Variants in DDX41 observed in about 807,000 individuals in gnomAD.
DDX41 encodes the protein DEAD-box helicase 41, also known as probable ATP-dependent RNA helicase DDX41.
Under a neutral mutation model 78.8 loss-of-function variants are expected in DDX41, and 50 were observed. That is an observed-to-expected ratio of 0.63 (90% CI 0.51 to 0.80). The LOEUF is 0.80. Among genes scored for constraint, DDX41 ranks in the 30% least tolerant of loss-of-function variants. The pLI is 0.00. For synonymous variants in DDX41, 381 were observed against 321.5 expected (o/e 1.19, Z -1.98); for missense variants, 633 against 849.2 (o/e 0.75, Z 3.16).
chr5:177,515,893 C>T lies in DDX41; in HGVS notation c.434+36G>A, dbSNP rs752708466. On this transcript the variant is annotated intron_variant, in intron 5 of 16. Coordinates refer to ENST00000330503, the MANE Select transcript of DDX41 (RefSeq NM_016222.4). ...CTGGGAGCATCCCTGCATGTACCAT[C>T]CTAAGCAAGGGCAACTGCAGACTGT... 1.1e-5 allele frequency: 17 copies of T among 1,614,052 alleles called. No homozygotes were observed. In the East Asian group the frequency reaches 3.1e-4, roughly 30 times the overall value.
rs763712095 is a variant in DDX41 at position 177,516,906 on chromosome 5, G to A, written c.27+13C>T. 6 of 1,613,170 alleles carry A rather than the reference G, an allele frequency of 3.7e-6. No homozygotes were observed. The highest frequency in any genetic ancestry group is 1.6e-4 in the Middle Eastern group (1 of 6,082). On this transcript the variant is annotated intron_variant, in intron 1 of 16. Coordinates refer to ENST00000330503, the MANE Select transcript of DDX41 (RefSeq NM_016222.4). ...CCCGCTCCCACACGCGCGGGGTCTC[G>A]CCTCTCTCCTACCTTCCGTTCGGGT...
chr5:177,514,794 C>T lies in DDX41; in HGVS notation c.842G>A (p.Cys281Tyr), dbSNP rs753251952. The T allele has an allele frequency of 6.2e-7, 1 of 1,612,938 alleles. No individual in the cohort carries two copies. The highest frequency in any genetic ancestry group is 1.1e-5 in the South Asian group (1 of 91,084). ...RQTHGILEYY[C>Y]RLLQEDSSPL... ...TGAGCTGTCCTCCTGCAGCAGGCGG[C>T]AGTAGTACTCCAGGATGCCATGGGT... Residue 281 changes from cysteine to tyrosine, a missense_variant, in exon 9 of 17, where the codon TGC (cysteine) becomes TAC (tyrosine). This residue lies in a region of DDX41 where 151 missense variants were observed against 169.2 expected (regional missense o/e 0.89). Coordinates refer to ENST00000330503, the MANE Select transcript of DDX41 (RefSeq NM_016222.4). The surrounding 1 kb of genome is among the most constrained non-coding windows in gnomAD (Gnocchi z 4.2).
In DDX41 at chr5:177,513,274, G is replaced by A. The variant is rs577226881; in HGVS notation, c.1230+79C>T. 4.3e-5 allele frequency: 69 copies of A among 1,596,828 alleles called. No individual in the cohort carries two copies. The highest frequency in any genetic ancestry group is 2.7e-4 in the South Asian group (24 of 89,650). ...CCCGGTTCCCACAAGGTGGACCCCC[G>A]GCTCCAATCAGCTTCAGGGAGACTT... On this transcript the variant is annotated intron_variant, in intron 11 of 16. Coordinates refer to ENST00000330503, the MANE Select transcript of DDX41 (RefSeq NM_016222.4). This position sits in a 1 kb window ranked among gnomAD's most constrained non-coding sequence, Gnocchi z 4.6.
rs751293126 is a variant in DDX41, at chr5:177,514,978, G to C, written c.736C>G (p.Gln246Glu). 5.0e-6 allele frequency: 8 copies of C among 1,613,626 alleles called. No homozygotes were observed. The highest frequency in any genetic ancestry group is 1.1e-5 in the South Asian group (1 of 91,088). Residue 246 changes from glutamine to glutamate, a missense_variant, in exon 8 of 17, where the codon CAA (glutamine) becomes GAA (glutamate). Physicochemically the swap from Gln to Glu is conservative, Grantham distance 29. Coordinates refer to ENST00000330503, the MANE Select transcript of DDX41 (RefSeq NM_016222.4). This position sits in a 1 kb window ranked among gnomAD's most constrained non-coding sequence, Gnocchi z 4.2. Reference protein sequence around the residue: ...TLPVIMFCLEQEKRLPFSKRE... With the variant: ...TLPVIMFCLEEEKRLPFSKRE... ...TTTGAGAAGGGTAACCTCTTCTCTT[G>C]TTCCAGGCAGAACATGATGACGGGC...
chr5:177,515,372 G>T (rs544838908), intron 6 of DDX41, 114 bp from the exon 7 acceptor site: 33 of 329,822 alleles, frequency 1.0e-4, no homozygotes, highest in Non-Finnish European at 1.6e-4. Context: ...CTGAGGCTCA[G>T]AGAGAGAGAG....
rs1359848055 is a variant in DDX41 at position 177,514,083 on chromosome 5, C to T, written c.936-236G>A. ...GCCTTCCCCCTTCTCCTGGGTCAGC[C>T]TCTCACCCAGAAGCGCTGTCATCAA... is the stretch of plus-strand genomic sequence containing the variant. On this transcript the variant is annotated intron_variant, in intron 9 of 16. Transcript: ENST00000330503. This position sits in a 1 kb window ranked among gnomAD's most constrained non-coding sequence, Gnocchi z 4.2. 1 of 673,100 alleles carries T rather than the reference C, an allele frequency of 1.5e-6. No individual in the cohort carries two copies. The highest frequency in any genetic ancestry group is 1.8e-5 in the African/African-American group (1 of 56,750). The allele number at this position is 673,100 out of a possible 1,614,324, so 41.7% of individuals were successfully genotyped here.
At position 177,515,008 on chromosome 5, in the gene DDX41, T is replaced by A; in HGVS notation, c.706A>T (p.Thr236Ser). 1 of 1,613,840 alleles carries A rather than the reference T, an allele frequency of 6.2e-7. No homozygotes were observed. The change falls in exon 8 of 17, where the codon ACG becomes TCG. Residue 236 changes from threonine to serine, a missense_variant. Physicochemically the swap from Thr to Ser is moderately conservative, Grantham distance 58. Transcript: ENST00000330503. ...FTGSGKTLVF[T>S]LPVIMFCLEQ... ...AGGCAGAACATGATGACGGGCAACGTGAACACCAGTGTCTTGCCTGAACCC... is the reference window on the plus strand; with the variant it reads ...AGGCAGAACATGATGACGGGCAACGAGAACACCAGTGTCTTGCCTGAACCC...
Position 177,511,934 on chromosome 5 carries a change from G to A in DDX41, c.1733-7C>T. The A allele has an allele frequency of 6.2e-7, 1 of 1,613,586 alleles. No individual in the cohort carries two copies. The highest frequency in any genetic ancestry group is 8.5e-7 in the Non-Finnish European group (1 of 1,179,984). On this transcript the variant is annotated splice_polypyrimidine_tract_variant and splice_region_variant and intron_variant, in intron 16 of 16. Coordinates refer to ENST00000330503, the MANE Select transcript of DDX41 (RefSeq NM_016222.4). ...AAGGCACAGCCGCGCTCTCCTGGGG[G>A]AATGGGGACAGGGGTCAGCCAAGTC...
rs766644554 is a variant in DDX41 at position 177,516,069 on chromosome 5, GGGA to G, written c.373+47_373+49del. 146 of 1,613,794 alleles carry G rather than the reference GGGA, an allele frequency of 9.0e-5. No homozygotes were observed. In the African/African-American group the frequency reaches 1.7e-3, roughly 18 times the overall value. On this transcript the variant is annotated intron_variant, in intron 4 of 16. Coordinates refer to ENST00000330503, the MANE Select transcript of DDX41 (RefSeq NM_016222.4). The stretch of plus-strand genomic sequence containing the variant: ...CTTGAGATATAACATGCCTGGGGCT[GGGA>G]GGAGAAGACTCAGTCCACCTTCTCA...
Position 177,513,580 on chromosome 5 carries a change from G to A in DDX41, c.1099-96C>T. ...GAGCAACTGAGACACAGCCCACAAA[G>A]TATGAGCAGTGGGTTGGGGTGGCCA... On this transcript the variant is annotated intron_variant, in intron 10 of 16. Transcript: ENST00000330503. The surrounding 1 kb of genome is among the most constrained non-coding windows in gnomAD (Gnocchi z 4.6). 1.9e-6 allele frequency: 3 copies of A among 1,604,136 alleles called. No individual in the cohort carries two copies. The highest frequency in any genetic ancestry group is 2.6e-6 in the Non-Finnish European group (3 of 1,172,548).
In DDX41 at chr5:177,514,716, A is replaced by C. The variant is rs996454252; in HGVS notation, c.920T>G (p.Met307Arg). ...CIGGMSVKEQ[M>R]ETIRHGVHMM... ...CAGCACTCACTGTCGGATGGTCTCC[A>C]TCTGCTCTTTCACGGACATGCCCCC... Residue 307 changes from methionine (M) to arginine (R), a missense_variant, in exon 9 of 17, where the codon ATG (methionine) becomes AGG (arginine). Around this residue, in one of 6 missense-constraint regions of DDX41, gnomAD observed 151 missense variants for 169.2 expected, o/e 0.89. Coordinates refer to ENST00000330503, the MANE Select transcript of DDX41 (RefSeq NM_016222.4). This position sits in a 1 kb window ranked among gnomAD's most constrained non-coding sequence, Gnocchi z 4.2. 1.9e-6 allele frequency: 3 copies of C among 1,611,956 alleles called. No homozygotes were observed. The Admixed American group carries it at 5.0e-5, about 27-fold the overall frequency.
In DDX41 at chr5:177,516,914, C is replaced by T. The variant is rs1486872267; in HGVS notation, c.27+5G>A. 1.2e-6 allele frequency: 2 copies of T among 1,610,468 alleles called. No individual in the cohort carries two copies. Among genetic ancestry groups the T allele is most frequent in the East Asian group, 2.2e-5 (1 of 44,874 alleles). On this transcript the variant is annotated splice_donor_5th_base_variant and intron_variant, in intron 1 of 16. Transcript: ENST00000330503. ...CACACGCGCGGGGTCTCGCCTCTCT[C>T]CTACCTTCCGTTCGGGTTCCGACTC...
At chr5:177,516,595 G>C in intron 2 of DDX41, 130 bp downstream of exon 2, 1 of 1,371,326 alleles carries the variant, frequency 7.3e-7, no homozygotes, top group Non-Finnish European at 1.0e-6. Context: ...TCGTTTGTCT[G>C]GGGGCCGCGC....
rs2127436904 is a variant in DDX41, at chr5:177,514,551, A to G, written c.935+150T>C. ...CACATCCCTCTGTCCTCCCCCAACT[A>G]ACCTCCCCATTAGACTGGGAGCTCC... On this transcript the variant is annotated intron_variant, in intron 9 of 16. Coordinates refer to ENST00000330503, the MANE Select transcript of DDX41 (RefSeq NM_016222.4). This position sits in a 1 kb window ranked among gnomAD's most constrained non-coding sequence, Gnocchi z 4.2. 1.7e-6 allele frequency: 2 copies of G among 1,151,510 alleles called. No individual in the cohort carries two copies. The highest frequency in any genetic ancestry group is 1.2e-6 in the Non-Finnish European group (1 of 816,686). 71.3% of individuals were successfully genotyped at this position (1,151,510 alleles called of 1,614,324 possible).
In DDX41 at chr5:177,516,420, T is replaced by C; in HGVS notation, c.166A>G (p.Lys56Glu). 3 of 1,613,798 alleles carry C rather than the reference T, an allele frequency of 1.9e-6. No homozygotes were observed. Among genetic ancestry groups the C allele is most frequent in the Non-Finnish European group, 2.5e-6 (3 of 1,180,026 alleles). The part of the protein sequence containing the change: ...LLQKLLQRRR[K>E]GAAEEEQQDS... Reference sequence around the variant, plus strand: ...TGCTGCTCTTCCTCCGCAGCTCCCTTGCGTCTTCGCTGCAGCAGCTTCTGG... The same window carrying C: ...TGCTGCTCTTCCTCCGCAGCTCCCTCGCGTCTTCGCTGCAGCAGCTTCTGG... The change falls in exon 3 of 17, where the codon AAG (lysine) becomes GAG (glutamate). Residue 56 changes from lysine to glutamate, a missense_variant. By Grantham distance (56) the Lys-to-Glu change is moderately conservative. This residue lies in a region of DDX41 where 140 missense variants were observed against 115.2 expected (regional missense o/e 1.22). Transcript: ENST00000330503.
At chr5:177,515,881 T>C in intron 5 of DDX41, 48 bp downstream of exon 5, 1 of 1,614,172 alleles carries the variant, frequency 6.2e-7, no homozygotes, top group Non-Finnish European at 8.5e-7. Flanking sequence ...GGAGCATCCC[T>C]GCATGTACCA....
chr5:177,511,939 G>T lies in DDX41; in HGVS notation c.1733-12C>A. ...ACAGCCGCGCTCTCCTGGGGGAATG[G>T]GGACAGGGGTCAGCCAAGTCAAGGA... On this transcript the variant is annotated splice_polypyrimidine_tract_variant and intron_variant, in intron 16 of 16. Coordinates refer to ENST00000330503, the MANE Select transcript of DDX41 (RefSeq NM_016222.4). The T allele has an allele frequency of 6.2e-7, 1 of 1,613,414 alleles. No homozygotes were observed. Among genetic ancestry groups the T allele is most frequent in the South Asian group, 1.1e-5 (1 of 91,084 alleles).
chr5:177,511,968 G>A lies in DDX41; in HGVS notation c.1733-41C>T, dbSNP rs1431763020. On this transcript the variant is annotated intron_variant, in intron 16 of 16. Transcript: ENST00000330503. ...CAGGGGTCAGCCAAGTCAAGGACCA[G>A]GATCCATGCCCTGGACTTCGGGCCC... The A allele has an allele frequency of 1.9e-6, 3 of 1,610,568 alleles. No individual in the cohort carries two copies. The African/African-American group carries it at 4.0e-5, about 22-fold the overall frequency.
At position 177,514,615 on chromosome 5, in the gene DDX41, G is replaced by A; in HGVS notation, c.935+86C>T. Reference sequence around the variant, plus strand: ...TCACAGCAGCCCTCTGTGAAGATCTGTGGAGTGGCTAAGGTAAAGGGTCCT... The same window carrying A: ...TCACAGCAGCCCTCTGTGAAGATCTATGGAGTGGCTAAGGTAAAGGGTCCT... On this transcript the variant is annotated intron_variant, in intron 9 of 16. Coordinates refer to ENST00000330503, the MANE Select transcript of DDX41 (RefSeq NM_016222.4). This position sits in a 1 kb window ranked among gnomAD's most constrained non-coding sequence, Gnocchi z 4.2. 1 of 1,513,204 alleles carries A rather than the reference G, an allele frequency of 6.6e-7. No individual in the cohort carries two copies. The highest frequency in any genetic ancestry group is 8.9e-7 in the Non-Finnish European group (1 of 1,125,800). 93.7% of individuals were successfully genotyped at this position (1,513,204 alleles called of 1,614,324 possible). A position where few individuals can be genotyped will look rare whatever the true frequency, so the allele number is the denominator to read the frequency against.
Sources: gnomAD v4.1 joint callset for allele counts on GRCh38, gnomAD v4.1.1 for gene constraint, gnomAD v4.1.1 regional missense constraint, Gnocchi (gnomAD v3.1) non-coding constraint, MANE v1.5 for transcripts, NCBI Gene and HGNC (gene_info 2026-07-23, HGNC 2026-07-21) for gene names.